Variants in TLE4 observed in about 807,000 individuals in gnomAD.
TLE4 encodes the protein TLE family member 4, transcriptional corepressor.
Under a neutral mutation model 92.8 loss-of-function variants are expected in TLE4, and 8 were observed. That is an observed-to-expected ratio of 0.09 (90% CI 0.05 to 0.16). The LOEUF (loss-of-function observed/expected upper bound fraction) is 0.16, where lower values mean the gene tolerates loss of function less well. TLE4 is among the 10% of genes least tolerant of loss of function. TLE4 has a pLI of 1.00. For synonymous variants in TLE4, 371 were observed against 374.1 expected, an observed-to-expected ratio of 0.99 and a Z score of 0.10; for missense variants, 675 against 997.6, an observed-to-expected ratio of 0.68 and a Z score of 4.36.
At chr9:79,708,374 C>T (rs2072274198) in intron 12 of TLE4, 124 bp downstream of exon 12, 2 of 1,274,594 alleles carry the variant, frequency 1.6e-6, no homozygotes, top group East Asian at 2.5e-5. Flanking sequence ...GACAAAGTTA[C>T]TTAACCTGAA....
chr9:79,585,445 C>T (rs998084948), intron 4 of TLE4, among the ~76,000 whole-genome samples: 4 of 152,206 alleles, frequency 2.6e-5, no homozygotes, highest in Non-Finnish European at 1.5e-5. Flanking sequence ...TTACTACCTT[C>T]CCCCAAATGC....
intron 13 of TLE4, 90 bp from the exon 14 acceptor site, chr9:79,709,533 C>A: frequency 1.8e-6 from 2 of 1,095,996 alleles, no homozygotes; most frequent in Non-Finnish European, 2.7e-6. Flanking sequence ...AGGATCTATT[C>A]TCCCAGGTTT....
chr9:79,595,827 GT>G (rs1211845105), intron 4 of TLE4, among the ~76,000 whole-genome samples: 2 of 147,198 alleles, frequency 1.4e-5, no homozygotes, highest in Non-Finnish European at 3.0e-5. Flanking sequence ...GAGAATTTTT[GT>G]TTTTCATTTT....
In TLE4 at chr9:79,588,135, C is replaced by CGTGTGTGTGTGTGTGTGTGTGTGTGT. The variant is rs71364418; in HGVS notation, c.252+11961_252+11986dup. On this transcript the variant is annotated intron_variant, in intron 4 of 19. Transcript: ENST00000376552. ...TGGTAAACTTCTTTGTTTATCCTTG[C>CGTGTGTGTGTGTGTGTGTGTGTGTGT]GTGTGTGTGTGTGTGTGTGTGTGTG... Among the ~76,000 whole-genome samples, 91 of 146,808 alleles carry CGTGTGTGTGTGTGTGTGTGTGTGTGT rather than the reference C, an allele frequency of 6.2e-4. 1 individual carries two copies. Among genetic ancestry groups the CGTGTGTGTGTGTGTGTGTGTGTGTGT allele is most frequent in the Admixed American group, 7.4e-4 (11 of 14,772 alleles).
At chr9:79,596,039 G>C (rs778478665) in intron 4 of TLE4, among the ~76,000 whole-genome samples, 1 of 148,614 alleles carries the variant, frequency 6.7e-6, no homozygotes, top group South Asian at 2.1e-4. Flanking sequence ...GTAGAGACAG[G>C]GTTTCACCGT....
chr9:79,609,437 A>G (rs1036684219), intron 4 of TLE4, among the ~76,000 whole-genome samples: 13 of 152,050 alleles, frequency 8.5e-5, no homozygotes, highest in South Asian at 2.1e-4. Context: ...TTTTTGTTGG[A>G]GAATGGTGTA....
intron 6 of TLE4, among the ~76,000 whole-genome samples, chr9:79,634,723 G>A (rs2055247373): frequency 6.6e-6 from 1 of 152,084 alleles, no homozygotes; most frequent in Admixed American, 6.6e-5. Context: ...TTTTGACAAT[G>A]TCATGTAAAT....
intron 4 of TLE4, among the ~76,000 whole-genome samples, chr9:79,605,468 A>T (rs2046594235): frequency 6.6e-6 from 1 of 152,132 alleles, no homozygotes. Context: ...ATTTAAACAC[A>T]ATAACTAGAG....
chr9:79,574,346 A>G (rs2037002379), intron 2 of TLE4: 2 of 152,368 alleles, frequency 1.3e-5, no homozygotes, highest in African/African-American at 4.8e-5. Flanking sequence ...AAGAACCAAA[A>G]CAAACCACTG....
At chr9:79,675,753 G>C (rs887308840) in intron 8 of TLE4, among the ~76,000 whole-genome samples, 5 of 152,114 alleles carry the variant, frequency 3.3e-5, no homozygotes, top group Non-Finnish European at 5.9e-5. Flanking sequence ...CTTTACATTA[G>C]GGAGCTAAAG....
intron 8 of TLE4, among the ~76,000 whole-genome samples, chr9:79,658,512 T>A (rs2060079383): frequency 6.6e-6 from 1 of 152,220 alleles, no homozygotes; most frequent in African/African-American, 2.4e-5. Flanking sequence ...CATTGCTTTT[T>A]TCTATCCCCC....
intron 6 of TLE4, among the ~76,000 whole-genome samples, chr9:79,632,869 G>C (rs1035473682): frequency 1.3e-5 from 2 of 152,164 alleles, no homozygotes; most frequent in Non-Finnish European, 2.9e-5. Flanking sequence ...GCTGGCCACT[G>C]TCTGTGTCGT....
At chr9:79,602,162 A>G (rs1311020592) in intron 4 of TLE4, among the ~76,000 whole-genome samples, 1 of 152,220 alleles carries the variant, frequency 6.6e-6, no homozygotes, top group Non-Finnish European at 1.5e-5. Context: ...CATTAAGTTT[A>G]ATGAAAGAAA....
intron 6 of TLE4, among the ~76,000 whole-genome samples, chr9:79,637,404 C>T (rs1261540173): frequency 1.3e-5 from 2 of 152,134 alleles, no homozygotes; most frequent in Non-Finnish European, 2.9e-5. Context: ...GACTGGGATC[C>T]AAACTCCAGC....
At chr9:79,573,596 T>C (rs556289861) in intron 1 of TLE4, 93 bp from the exon 2 acceptor site, 1 of 1,079,230 alleles carries the variant, frequency 9.3e-7, no homozygotes, top group Non-Finnish European at 1.3e-6. Context: ...GCGATGACCC[T>C]CACCCCCCGC....
At chr9:79,659,653 G>A (rs1161994876) in intron 8 of TLE4, among the ~76,000 whole-genome samples, 2 of 151,638 alleles carry the variant, frequency 1.3e-5, no homozygotes, top group Admixed American at 6.6e-5. Flanking sequence ...ACTAATCTTC[G>A]ATTTGTCCTC....
At position 79,649,745 on chromosome 9, in the gene TLE4, A is replaced by G. The variant is rs958570277; in HGVS notation, c.391-2848A>G. 182 of 1,256,412 alleles carry G rather than the reference A, an allele frequency of 1.4e-4. 1 individual carries two copies. The highest frequency in any genetic ancestry group is 2.1e-4 in the Admixed American group (9 of 43,214). 77.8% of individuals were successfully genotyped at this position (1,256,412 alleles called of 1,614,324 possible). On this transcript the variant is annotated intron_variant, in intron 6 of 19. Transcript: ENST00000376552. Reference sequence around the variant, plus strand: ...GGAAGCCTTACTGTGAATGTCATGTATAACTATGATTTCTGCCTTTGAAAA... The same window carrying G: ...GGAAGCCTTACTGTGAATGTCATGTGTAACTATGATTTCTGCCTTTGAAAA...
intron 8 of TLE4, among the ~76,000 whole-genome samples, chr9:79,691,916 TAACTAG>T (rs901088921): frequency 9.2e-5 from 14 of 152,196 alleles, no homozygotes; most frequent in African/African-American, 2.7e-4. Context: ...TAATGTCCCT[TAACTAG>T]AACCAGTGCT....
intron 6 of TLE4, among the ~76,000 whole-genome samples, chr9:79,643,520 A>C (rs1277114190): frequency 6.6e-6 from 1 of 152,164 alleles, no homozygotes; most frequent in Admixed American, 6.5e-5. Context: ...TCTTTAAATC[A>C]CAGTGTCCGA....
Sources: gnomAD v4.1 joint callset for allele counts (sites outside exome capture counted in the v4.1 genomes callset) on GRCh38, gnomAD v4.1.1 for gene constraint, MANE v1.5 for transcripts, NCBI Gene and HGNC (gene_info 2026-07-23, HGNC 2026-07-21) for gene names.